HECTD4: variants seen among roughly 807,000 people sequenced by gnomAD.
HECTD4 encodes probable E3 ubiquitin-protein ligase HECTD4.
In HECTD4, 114 loss-of-function variants were observed where a neutral mutation model predicts 471.5. That is an observed-to-expected ratio of 0.24 (90% CI 0.21 to 0.28). The LOEUF (loss-of-function observed/expected upper bound fraction) is 0.28. HECTD4 is among the 10% of genes least tolerant of loss of function. HECTD4 has a pLI of 1.00. For missense variants in HECTD4, 3,866 were observed against 5,651.5 expected (o/e 0.68, Z 10.13); for synonymous variants, 2,012 against 2,256.0 (o/e 0.89, Z 3.07).
chr12:112,183,727 G>A (rs932355948), intron 61 of HECTD4, among the ~76,000 whole-genome samples: 4 of 152,190 alleles, frequency 2.6e-5, no homozygotes, highest in Middle Eastern at 3.2e-3. Context: ...TCTAAACGGC[G>A]AGGCCTAAGG....
At chr12:112,200,887 G>T (rs1325148579) in intron 54 of HECTD4, 89 bp from the exon 55 acceptor site, 1 of 241,670 alleles carries the variant, frequency 4.1e-6, no homozygotes, top group African/African-American at 4.7e-5. Flanking sequence ...GTGCGTGCGT[G>T]TGTGTGTGTG....
At chr12:112,324,253 GGGACTAGA>G (rs1001712075) in intron 1 of HECTD4, among the ~76,000 whole-genome samples, 3 of 150,354 alleles carry the variant, frequency 2.0e-5, no homozygotes, top group African/African-American at 7.4e-5. Flanking sequence ...CTGAGTAGCT[GGGACTAGA>G]GGCATGTGCC....
intron 54 of HECTD4, 180 bp downstream of exon 54, chr12:112,203,456 A>T (rs1474348387): frequency 1.9e-6 from 1 of 520,060 alleles, no homozygotes; most frequent in Non-Finnish European, 3.4e-6. Flanking sequence ...CCCTGATCTG[A>T]GTCCCTGAGG....
In HECTD4 at chr12:112,172,946, C is replaced by T. The variant is rs1196707325; in HGVS notation, c.11595-85G>A. The T allele has an allele frequency of 1.7e-5, 20 of 1,210,876 alleles. No homozygotes were observed. In the Admixed American group the frequency reaches 3.1e-4, roughly 19 times the overall value. 75.0% of individuals were successfully genotyped at this position (1,210,876 alleles called of 1,614,324 possible). A position where few individuals can be genotyped will look rare whatever the true frequency, so the allele number is the denominator to read the frequency against. On this transcript the variant is annotated intron_variant, in intron 66 of 75. Transcript: ENST00000682272. ...TGCATTTCTCTTACAGAGCCCTGTC[C>T]TCAGCTCCTGGAGCACATTCAGAAG...
intron 64 of HECTD4, among the ~76,000 whole-genome samples, chr12:112,177,360 T>C (rs1013007085): frequency 1.6e-4 from 24 of 151,416 alleles, no homozygotes; most frequent in Admixed American, 6.6e-4. Flanking sequence ...TATCCATACA[T>C]GGAATGTTAT....
Position 112,179,568 on chromosome 12 carries a change from G to GC in HECTD4, c.10988-172dup, listed in dbSNP as rs2031588016. ...CCTCCCTGGGCACAGCCCAGCACATGCCCAGCCTTCCTTGCCGTAAGGTGC... is the reference window on the plus strand; with the variant it reads ...CCTCCCTGGGCACAGCCCAGCACATGCCCCAGCCTTCCTTGCCGTAAGGTGC... On this transcript the variant is annotated intron_variant, in intron 62 of 75. Transcript: ENST00000682272. This position sits in a 1 kb window ranked among gnomAD's most constrained non-coding sequence, Gnocchi z 4.3. Among the ~76,000 whole-genome samples the GC allele has an allele frequency of 6.6e-6, 1 of 152,258 alleles. No individual in the cohort carries two copies.
rs767207156 is a variant in HECTD4 at position 112,236,973 on chromosome 12, C to T, written c.5416G>A (p.Val1806Ile). Residue 1806 changes from valine (V) to isoleucine (I), a missense_variant, in exon 35 of 76, where the codon GTC becomes ATC. This residue lies in a region of HECTD4 where 229 missense variants were observed against 386.4 expected (regional missense o/e 0.59). Coordinates refer to ENST00000682272, the MANE Select transcript of HECTD4 (RefSeq NM_001388303.1). Reference protein sequence around the residue: ...QAAGNDALQDVLSLLNDLSRS... With the variant: ...QAAGNDALQDILSLLNDLSRS... Reference sequence around the variant, plus strand: ...GAGAGATCATTGAGAAGACTAAGGACATCCTGGAGCGCGTCATTCCCAGCA... The same window carrying T: ...GAGAGATCATTGAGAAGACTAAGGATATCCTGGAGCGCGTCATTCCCAGCA... The T allele has an allele frequency of 3.1e-6, 5 of 1,612,732 alleles. No individual in the cohort carries two copies. In the Admixed American group the frequency reaches 8.4e-5, roughly 27 times the overall value.
intron 66 of HECTD4, among the ~76,000 whole-genome samples, chr12:112,175,379 C>A (rs2031399460): frequency 6.6e-6 from 1 of 152,148 alleles, no homozygotes. Flanking sequence ...GTCTGGGAGC[C>A]AAGGAGAGCA....
Position 112,216,974 on chromosome 12 carries a change from G to C in HECTD4, c.7237-53C>G, listed in dbSNP as rs2135550098. The C allele has an allele frequency of 2.5e-6, 4 of 1,597,644 alleles. No individual in the cohort carries two copies. The South Asian group carries it at 4.4e-5, about 18-fold the overall frequency. ...ATCAGAGGGCTAATCCTGGGCCTGA[G>C]ACCTGCTTTTTCTTTCAAATCTGAA... is the stretch of plus-strand genomic sequence containing the variant. On this transcript the variant is annotated intron_variant, in intron 46 of 75. Transcript: ENST00000682272.
Position 112,172,221 on chromosome 12 carries a change from C to T in HECTD4, c.11785+450G>A, listed in dbSNP as rs139867219. Among the ~76,000 whole-genome samples the T allele has an allele frequency of 2.0e-3, 299 of 152,342 alleles. 1 individual carries two copies. The highest frequency in any genetic ancestry group is 6.5e-3 in the African/African-American group (269 of 41,578). On this transcript the variant is annotated intron_variant, in intron 67 of 75. Coordinates refer to ENST00000682272, the MANE Select transcript of HECTD4 (RefSeq NM_001388303.1). ...CCTGGCCCAGAGAACGGCTTTCTCT[C>T]TTTGGAAACACAGGGGCACCTGAAT...
At chr12:112,263,995 T>C in intron 17 of HECTD4, 89 bp downstream of exon 17, 1 of 1,264,042 alleles carries the variant, frequency 7.9e-7, no homozygotes, top group Non-Finnish European at 1.1e-6. Flanking sequence ...CAAGGTGAAT[T>C]CTGACATCAT....
intron 9 of HECTD4, among the ~76,000 whole-genome samples, chr12:112,278,543 T>C (rs2034572468): frequency 6.6e-6 from 1 of 152,272 alleles, no homozygotes; most frequent in Admixed American, 6.5e-5. Context: ...TTATGCTTAG[T>C]ATTTTGTATA....
rs1167569918 is a variant in HECTD4, at chr12:112,216,794, A to G, written c.7364T>C (p.Val2455Ala). Reference sequence around the variant, plus strand: ...TTACTTATGGAAAAGACAAGTGCCCACTGGATTAGTCCAAGCCCCATCTCG... The same window carrying G: ...TTACTTATGGAAAAGACAAGTGCCCGCTGGATTAGTCCAAGCCCCATCTCG... ...EKRDGAWTNP[V>A]GTCLFHNNGR... The change falls in exon 47 of 76, where the codon GTG (valine) becomes GCG (alanine). Residue 2455 changes from valine to alanine, a missense_variant. Physicochemically the swap from Val to Ala is moderately conservative, Grantham distance 64. Around this residue, in one of 16 missense-constraint regions of HECTD4, gnomAD observed 617 missense variants for 915.1 expected, o/e 0.67. Transcript: ENST00000682272. 6.2e-7 allele frequency: 1 copy of G among 1,613,938 alleles called. No individual in the cohort carries two copies. Among genetic ancestry groups the G allele is most frequent in the East Asian group, 2.2e-5 (1 of 44,874 alleles).
chr12:112,342,618 GAGTTAC>G (rs1301376090), intron 1 of HECTD4, among the ~76,000 whole-genome samples: 4 of 152,138 alleles, frequency 2.6e-5, no homozygotes, highest in Non-Finnish European at 5.9e-5. Context: ...TATCGCATCT[GAGTTAC>G]AGTTTTGCCT....
intron 1 of HECTD4, among the ~76,000 whole-genome samples, chr12:112,378,346 G>C (rs1237763051): frequency 6.6e-6 from 1 of 151,850 alleles, no homozygotes; most frequent in Non-Finnish European, 1.5e-5. Flanking sequence ...AGCCTCCCGA[G>C]TAGCTGGGAC....
rs1054908773 is a variant in HECTD4, at chr12:112,381,909, G to C, written c.177+43C>G. ...GGCCCGACCCGGGGGTGCCGGGCGA[G>C]TGGGTCAGTCCGATGGCGGGGGCCG... On this transcript the variant is annotated intron_variant, in intron 1 of 75. Transcript: ENST00000682272. This position sits in a 1 kb window ranked among gnomAD's most constrained non-coding sequence, Gnocchi z 4.1. 7.4e-5 allele frequency: 89 copies of C among 1,208,510 alleles called. No homozygotes were observed. The African/African-American group carries it at 1.3e-3, about 17-fold the overall frequency. 74.9% of individuals were successfully genotyped at this position (1,208,510 alleles called of 1,614,324 possible). A position where few individuals can be genotyped will look rare whatever the true frequency, so the allele number is the denominator to read the frequency against.
At position 112,237,187 on chromosome 12, in the gene HECTD4, A is replaced by G. The variant is rs1006964661; in HGVS notation, c.5291-89T>C. ...AGGGGGCGGCGAGCCCTGTCCATTTATCTTGCTTAATGTTTCATGAACCAT... is the reference window on the plus strand; with the variant it reads ...AGGGGGCGGCGAGCCCTGTCCATTTGTCTTGCTTAATGTTTCATGAACCAT... On this transcript the variant is annotated intron_variant, in intron 34 of 75. Transcript: ENST00000682272. The G allele has an allele frequency of 3.4e-6, 4 of 1,172,380 alleles. No individual in the cohort carries two copies. The African/African-American group carries it at 6.2e-5, about 18-fold the overall frequency. The allele number at this position is 1,172,380 out of a possible 1,614,324, so 72.6% of individuals were successfully genotyped here.
chr12:112,251,194 T>C (rs1208440376), intron 23 of HECTD4, 60 bp from the exon 24 acceptor site: 2 of 1,536,744 alleles, frequency 1.3e-6, no homozygotes, highest in East Asian at 2.2e-5. Context: ...GGCTGCTACC[T>C]GTGCTGCCCC....
Position 112,175,813 on chromosome 12 carries a change from A to G in HECTD4, c.11517T>C (p.Val3839=). Residue 3839 remains valine, a synonymous_variant, in exon 66 of 76, where the codon GTT becomes GTC. Coordinates refer to ENST00000682272, the MANE Select transcript of HECTD4 (RefSeq NM_001388303.1). ...YLTLEGFHKF[V]IDRARQDIRS... is the part of the protein sequence containing the mutation. ...GGATATCTTGCCTGGCTCGGTCAAT[A>G]ACAAATTTGTGAAATCCTTCCAGCG... The G allele has an allele frequency of 6.2e-7, 1 of 1,613,548 alleles. No homozygotes were observed. Among genetic ancestry groups the G allele is most frequent in the Non-Finnish European group, 8.5e-7 (1 of 1,179,724 alleles).
Sources: allele counts gnomAD v4.1 joint callset (sites outside exome capture counted in the v4.1 genomes callset), GRCh38; gene constraint gnomAD v4.1.1; regional missense constraint gnomAD v4.1.1; non-coding constraint Gnocchi (gnomAD v3.1); transcripts MANE v1.5; gene names NCBI Gene and HGNC (gene_info 2026-07-23, HGNC 2026-07-21).